Variants in CAPN3 observed in about 807,000 individuals in gnomAD.
CAPN3 encodes calpain-3.
In CAPN3, 88 loss-of-function variants were observed where a neutral mutation model predicts 114.0. The ratio of observed to expected loss-of-function variants is 0.77; its 90% CI spans 0.65 to 0.92. CAPN3 has a LOEUF of 0.92. CAPN3 is among the 40% of genes least tolerant of loss of function. The pLI, the probability that CAPN3 is intolerant of heterozygous loss-of-function variation, is 0.00. For missense variants in CAPN3, 1,028 were observed against 1,069.0 expected, an observed-to-expected ratio of 0.96 and a Z score of 0.53; for synonymous variants, 386 against 382.9, an observed-to-expected ratio of 1.01 and a Z score of -0.09.
At chr15:42,374,986 AATTT>A (rs71431847) in intron 1 of CAPN3, among the ~76,000 whole-genome samples, 31,748 of 133,718 alleles carry the variant, frequency 0.24, 4,239 homozygotes, top group South Asian at 0.39. Flanking sequence ...TTTAAATAAA[AATTT>A]ATTTATTTAT....
rs1433656886 is a variant in CAPN3 at position 42,412,232 on chromosome 15, G to A, written c.*459G>A. 1.3e-6 allele frequency: 2 copies of A among 1,519,012 alleles called. No individual in the cohort carries two copies. Among genetic ancestry groups the A allele is most frequent in the Non-Finnish European group, 1.8e-6 (2 of 1,133,272 alleles). The allele number at this position is 1,519,012 out of a possible 1,614,324, so 94.1% of individuals were successfully genotyped here. A position where few individuals can be genotyped will look rare whatever the true frequency, so the allele number is the denominator to read the frequency against. ...GGGTAAACTAACTCAGTGGAATAGG[G>A]CTGGTTACTTTGGGCTGTCCAACTC... is the stretch of plus-strand genomic sequence containing the variant. On this transcript the variant is annotated 3_prime_UTR_variant, in exon 24 of 24. Transcript: ENST00000397163.
At chr15:42,409,875 T>C in intron 18 of CAPN3, 31 bp downstream of exon 18, 1 of 180,822 alleles carries the variant, frequency 5.5e-6, no homozygotes. Context: ...GGGGGTGGGG[T>C]GGGTGGGGAG....
At chr15:42,366,667 G>T (rs763210149) in intron 1 of CAPN3, among the ~76,000 whole-genome samples, 1 of 151,784 alleles carries the variant, frequency 6.6e-6, no homozygotes. Flanking sequence ...GATTGTTTTC[G>T]AGGAAGAAAA....
intron 1 of CAPN3, among the ~76,000 whole-genome samples, chr15:42,363,728 G>A (rs563143912): frequency 1.3e-5 from 2 of 152,320 alleles, no homozygotes; most frequent in South Asian, 4.1e-4. Context: ...CCACATGCCA[G>A]TAACTAAATG....
At chr15:42,378,770 A>G (rs749139325) in intron 1 of CAPN3, among the ~76,000 whole-genome samples, 1 of 152,054 alleles carries the variant, frequency 6.6e-6, no homozygotes, top group Non-Finnish European at 1.5e-5. Flanking sequence ...TAACTTATGC[A>G]TTTAATGCTA....
rs141234995 is a variant in CAPN3, at chr15:42,411,019, C to T, written c.2380+19C>T. 9.9e-4 allele frequency: 1,535 copies of T among 1,557,074 alleles called. 2 individuals carry two copies. The highest frequency in any genetic ancestry group is 1.2e-3 in the Non-Finnish European group (1,343 of 1,128,064). ...ATGTTCAGTAAGTGGGAGAGGGGGG[C>T]TGCCCTCTGCTCTCTTGCAGGGGCA... On this transcript the variant is annotated intron_variant, in intron 22 of 23. Transcript: ENST00000397163.
intron 1 of CAPN3, among the ~76,000 whole-genome samples, chr15:42,376,847 C>A (rs530141545): frequency 8.2e-4 from 125 of 152,236 alleles, no homozygotes; most frequent in African/African-American, 3.0e-3. Flanking sequence ...GTAAATATTT[C>A]TATATAAAGC....
At chr15:42,378,359 C>T (rs1186976425) in intron 1 of CAPN3, among the ~76,000 whole-genome samples, 1 of 152,210 alleles carries the variant, frequency 6.6e-6, no homozygotes, top group African/African-American at 2.4e-5. Context: ...GTGCCCTAAG[C>T]TATTAAGTGG....
intron 1 of CAPN3, among the ~76,000 whole-genome samples, chr15:42,369,870 C>CTTTTTTTT (rs748584513): frequency 3.1e-5 from 4 of 126,990 alleles, no homozygotes; most frequent in Non-Finnish European, 4.9e-5. Context: ...TTCTTTCTTT[C>CTTTTTTTT]TTTTTTTTTT....
intron 1 of CAPN3, among the ~76,000 whole-genome samples, chr15:42,363,850 G>A (rs948967509): frequency 6.7e-6 from 1 of 149,710 alleles, no homozygotes; most frequent in African/African-American, 2.6e-5. Flanking sequence ...AATAACTCGC[G>A]CCAGATCTCC....
At chr15:42,386,401 A>G in intron 3 of CAPN3, 116 bp downstream of exon 3, 2 of 802,574 alleles carry the variant, frequency 2.5e-6, no homozygotes, top group Middle Eastern at 2.9e-4. Context: ...CCGCAGCGGC[A>G]ACAGTCGGCA....
intron 3 of CAPN3, among the ~76,000 whole-genome samples, chr15:42,387,220 A>G (rs1251003203): frequency 6.6e-6 from 1 of 152,254 alleles, no homozygotes. Context: ...TCATTCAAAA[A>G]AGAGCGACAT....
At position 42,402,498 on chromosome 15, in the gene CAPN3, T is replaced by C. The variant is rs2053901279; in HGVS notation, c.1537-296T>C. 2.8e-6 allele frequency: 4 copies of C among 1,431,006 alleles called. No individual in the cohort carries two copies. In the African/African-American group the frequency reaches 4.3e-5, roughly 15 times the overall value. The allele number at this position is 1,431,006 out of a possible 1,614,324, so 88.6% of individuals were successfully genotyped here. On this transcript the variant is annotated intron_variant, in intron 12 of 23. Coordinates refer to ENST00000397163, the MANE Select transcript of CAPN3 (RefSeq NM_000070.3). ...TCCCTCAGAACCCAGCCAAGTCCTC[T>C]AGGCCTCCTTGGGGGTCCTTCCAGC...
Position 42,410,494 on chromosome 15 carries a change from C to T in CAPN3, c.2182C>T (p.Gln728Ter), listed in dbSNP as rs2054180829. The change falls in exon 20 of 24, where the codon CAG becomes TAG. Residue 728 changes from glutamine to a stop codon, truncating the protein, a stop_gained and splice_region_variant. Transcript: ENST00000397163. LOFTEE classifies it high-confidence loss of function. ...HHLWNKIKAW[Q>*]KIFKHYDTDQ... Reference sequence around the variant, plus strand: ...CCTCTGGAACAAGATTAAGGCCTGGCAGGTGGGAAGAGAAAATGAAGCGTG... The same window carrying T: ...CCTCTGGAACAAGATTAAGGCCTGGTAGGTGGGAAGAGAAAATGAAGCGTG... 6.2e-7 allele frequency: 1 copy of T among 1,613,808 alleles called. No homozygotes were observed. Among genetic ancestry groups the T allele is most frequent in the African/African-American group, 1.3e-5 (1 of 74,884 alleles).
Position 42,411,340 on chromosome 15 carries a change from C to G in CAPN3, c.2434C>G (p.Leu812Val). 1 of 1,613,884 alleles carries G rather than the reference C, an allele frequency of 6.2e-7. No homozygotes were observed. Among genetic ancestry groups the G allele is most frequent in the South Asian group, 1.1e-5 (1 of 91,072 alleles). Residue 812 changes from leucine (L) to valine (V), a missense_variant, in exon 23 of 24, where the codon CTG (leucine) becomes GTG (valine). Transcript: ENST00000397163. ...DGDGIIKLNV[L>V]EWLQLTMYA ...AGATGGTATCATCAAGCTCAACGTT[C>G]TGGAGGTAAAGCATAGGCACAGCAC... is the stretch of plus-strand genomic sequence containing the variant.
chr15:42,384,227 C>T (rs530984601), intron 1 of CAPN3, among the ~76,000 whole-genome samples: 28 of 152,208 alleles, frequency 1.8e-4, no homozygotes, highest in Middle Eastern at 6.8e-3. Context: ...TCCTGGCCAA[C>T]ATGGTGAAAC....
intron 3 of CAPN3, 41 bp downstream of exon 3, chr15:42,386,326 C>A: frequency 7.4e-7 from 1 of 1,352,910 alleles, no homozygotes; most frequent in Non-Finnish European, 1.1e-6. Flanking sequence ...CAGCGGCAGG[C>A]CACCCACCGC....
At position 42,399,765 on chromosome 15, in the gene CAPN3, A is replaced by T. The variant is rs1189680085; in HGVS notation, c.1354+113A>T. 4 of 943,540 alleles carry T rather than the reference A, an allele frequency of 4.2e-6. No individual in the cohort carries two copies. The East Asian group carries it at 8.0e-5, about 19-fold the overall frequency. The allele number at this position is 943,540 out of a possible 1,614,324, so 58.4% of individuals were successfully genotyped here. ...TTCCAGACGTCCACTATCTTATTAAACCTTCCCTGTTTTACTGAGAAGGAA... is the reference window on the plus strand; with the variant it reads ...TTCCAGACGTCCACTATCTTATTAATCCTTCCCTGTTTTACTGAGAAGGAA... On this transcript the variant is annotated intron_variant, in intron 10 of 23. Coordinates refer to ENST00000397163, the MANE Select transcript of CAPN3 (RefSeq NM_000070.3).
At chr15:42,366,901 T>G (rs976609792) in intron 1 of CAPN3, among the ~76,000 whole-genome samples, 12 of 145,750 alleles carry the variant, frequency 8.2e-5, no homozygotes, top group African/African-American at 2.9e-4. Flanking sequence ...TGTCTCCAGC[T>G]CAGCTCACTG....
Sources: gnomAD v4.1 joint callset for allele counts (sites outside exome capture counted in the v4.1 genomes callset) on GRCh38, gnomAD v4.1.1 for gene constraint, MANE v1.5 for transcripts, NCBI Gene and HGNC (gene_info 2026-07-23, HGNC 2026-07-21) for gene names.